CAMSAP2: variants seen among roughly 807,000 people sequenced by gnomAD.
CAMSAP2 encodes calmodulin regulated spectrin associated protein family member 2.
A neutral mutation model predicts 146.1 loss-of-function variants in CAMSAP2; 26 were observed. The observed-to-expected ratio is 0.18, with a 90% confidence interval of 0.13 to 0.25. The LOEUF (loss-of-function observed/expected upper bound fraction) is 0.25, where lower values mean the gene tolerates loss of function less well. Ranked by LOEUF, CAMSAP2 falls within the 10% of genes least tolerant of loss-of-function variation. The probability of loss-of-function intolerance (pLI) is 1.00; values close to 1 mark genes in which losing one functional copy is unlikely to be tolerated. For synonymous variants in CAMSAP2, 499 were observed against 596.6 expected, an observed-to-expected ratio of 0.84 and a Z score of 2.38; for missense variants, 1,381 against 1,759.3, an observed-to-expected ratio of 0.78 and a Z score of 3.85.
intron 4 of CAMSAP2, chr1:200,828,659 G>A (rs192434930): frequency 4.5e-4 from 675 of 1,485,398 alleles, no homozygotes; most frequent in Non-Finnish European, 4.2e-4. Flanking sequence ...TTGTAGAATG[G>A]TATTGTTTAT....
At chr1:200,740,183 G>C (rs1483012883) in intron 1 of CAMSAP2, among the ~76,000 whole-genome samples, 1 of 152,112 alleles carries the variant, frequency 6.6e-6, no homozygotes, top group African/African-American at 2.4e-5. Context: ...GATTTGGCCA[G>C]ATTCCTTTTA....
chr1:200,790,858 T>C (rs1665729853), intron 2 of CAMSAP2, among the ~76,000 whole-genome samples: 1 of 152,166 alleles, frequency 6.6e-6, no homozygotes, highest in Non-Finnish European at 1.5e-5. Context: ...CTCCTTTTTT[T>C]TTTGAGACGG....
chr1:200,817,070 A>G (rs2102176859), intron 4 of CAMSAP2, among the ~76,000 whole-genome samples: 1 of 139,850 alleles, frequency 7.2e-6, no homozygotes, highest in Admixed American at 6.8e-5. Context: ...ACACACGTAT[A>G]TATGTGTATA....
chr1:200,791,866 T>C (rs1665763677), intron 2 of CAMSAP2, among the ~76,000 whole-genome samples: 1 of 152,050 alleles, frequency 6.6e-6, no homozygotes, highest in African/African-American at 2.4e-5. Flanking sequence ...CTCAGGAGGC[T>C]GAGGCAGAAG....
At position 200,853,365 on chromosome 1, in the gene CAMSAP2, G is replaced by C. The variant is rs1195986338; in HGVS notation, c.3693G>C (p.Leu1231=). The part of the protein sequence containing the change: ...IRQEYMRRKQ[L]KLMEDMDTVI... ...AAGAATATATGAGGCGGAAACAACT[G>C]AAACTAATGGAAGATATGGATACAG... Residue 1231 remains leucine (L), a synonymous_variant, in exon 13 of 17, where the codon CTG becomes CTC. Coordinates refer to ENST00000358823, the MANE Select transcript of CAMSAP2 (RefSeq NM_203459.4). This position sits in a 1 kb window ranked among gnomAD's most constrained non-coding sequence, Gnocchi z 5.1. 6.2e-7 allele frequency: 1 copy of C among 1,613,854 alleles called. No homozygotes were observed. Among genetic ancestry groups the C allele is most frequent in the South Asian group, 1.1e-5 (1 of 91,074 alleles).
chr1:200,755,860 G>T (rs953092209), intron 1 of CAMSAP2, among the ~76,000 whole-genome samples: 2 of 152,192 alleles, frequency 1.3e-5, no homozygotes, highest in African/African-American at 4.8e-5. Context: ...TACAATGAGT[G>T]ACTGGGTGGT....
intron 2 of CAMSAP2, among the ~76,000 whole-genome samples, chr1:200,776,726 A>AAAAAC (rs1349321093): frequency 2.6e-5 from 4 of 152,226 alleles, no homozygotes; most frequent in East Asian, 1.9e-4. Flanking sequence ...TCCGTCTTAA[A>AAAAAC]AAAACAAAAC....
chr1:200,834,462 TTATTTTTAA>T (rs1336214350), intron 6 of CAMSAP2, among the ~76,000 whole-genome samples: 1 of 152,234 alleles, frequency 6.6e-6, no homozygotes, highest in Non-Finnish European at 1.5e-5. Context: ...ATGAATACTG[TTATTTTTAA>T]TACTTCAAGA....
chr1:200,808,089 T>C (rs889912551), intron 3 of CAMSAP2, among the ~76,000 whole-genome samples: 2 of 152,206 alleles, frequency 1.3e-5, no homozygotes, highest in African/African-American at 4.8e-5. Flanking sequence ...TACCAGATTA[T>C]GAAAAAATTC....
rs1259462914 is a variant in CAMSAP2 at position 200,815,800 on chromosome 1, G to A, written c.645+156G>A. ...CCATACTGTAAACACTAAGTAAATA[G>A]AAGTACAAAATGAAGGTTAATTGGA... On this transcript the variant is annotated intron_variant, in intron 4 of 16. Coordinates refer to ENST00000358823, the MANE Select transcript of CAMSAP2 (RefSeq NM_203459.4). 3.3e-5 allele frequency among the ~76,000 whole-genome samples: 5 copies of A among 152,268 alleles called. No individual in the cohort carries two copies. In the East Asian group the frequency reaches 9.6e-4, roughly 29 times the overall value.
Position 200,849,436 on chromosome 1 carries a change from A to G in CAMSAP2, c.2667A>G (p.Ser889=), listed in dbSNP as rs1248425969. 1.9e-6 allele frequency: 3 copies of G among 1,614,254 alleles called. No individual in the cohort carries two copies. The highest frequency in any genetic ancestry group is 3.3e-5 in the Admixed American group (2 of 60,028). ...CCAAATCCATTGAAAAGTTAAATTC[A>G]TCCCTGCATTTTCTACAACAAGAAA... ...EYTKSIEKLN[S]SLHFLQQEMQ... The change falls in exon 11 of 17, where the codon TCA becomes TCG. Residue 889 remains serine (S), a synonymous_variant. Transcript: ENST00000358823. This position sits in a 1 kb window ranked among gnomAD's most constrained non-coding sequence, Gnocchi z 6.3.
chr1:200,803,529 T>A (rs1666089291), intron 2 of CAMSAP2, among the ~76,000 whole-genome samples: 1 of 152,196 alleles, frequency 6.6e-6, no homozygotes. Flanking sequence ...GTTTATTTTT[T>A]AATGTTGATC....
In CAMSAP2 at chr1:200,854,809, T is replaced by C. The variant is rs1023185612; in HGVS notation, c.3824-8T>C. The C allele has an allele frequency of 6.2e-6, 10 of 1,604,968 alleles. No homozygotes were observed. The highest frequency in any genetic ancestry group is 8.5e-6 in the Non-Finnish European group (10 of 1,176,496). On this transcript the variant is annotated splice_polypyrimidine_tract_variant and splice_region_variant and intron_variant, in intron 13 of 16. Transcript: ENST00000358823. ...ATTCAGGATCATGAATTTATCGTGT[T>C]TTTTCAGTCTCTAGCCTTTCTTTGG...
chr1:200,749,353 G>C (rs924243204), intron 1 of CAMSAP2, among the ~76,000 whole-genome samples: 2 of 152,168 alleles, frequency 1.3e-5, no homozygotes, highest in African/African-American at 4.8e-5. Context: ...GTGTTCCTTG[G>C]GCAGAGGACA....
In CAMSAP2 at chr1:200,848,845, A is replaced by G. The variant is rs1422913812; in HGVS notation, c.2076A>G (p.Gln692=). The stretch of plus-strand genomic sequence containing the variant: ...TTAAAATGACCAGCTTTGCTGAACA[A>G]AAATTCAGGAAACTGAATCATACCG... ...SGVKMTSFAE[Q]KFRKLNHTDG... Residue 692 remains glutamine, a synonymous_variant, in exon 11 of 17, where the codon CAA becomes CAG. Transcript: ENST00000358823. 1.2e-6 allele frequency: 2 copies of G among 1,614,188 alleles called. No homozygotes were observed. Among genetic ancestry groups the G allele is most frequent in the South Asian group, 2.2e-5 (2 of 91,090 alleles).
intron 4 of CAMSAP2, among the ~76,000 whole-genome samples, chr1:200,826,030 G>C (rs1434007681): frequency 6.6e-6 from 1 of 152,200 alleles, no homozygotes; most frequent in East Asian, 1.9e-4. Flanking sequence ...AATGCATACT[G>C]TATGTAGTTT....
intron 4 of CAMSAP2, among the ~76,000 whole-genome samples, chr1:200,820,806 GTT>G (rs1334028346): frequency 6.6e-6 from 1 of 152,168 alleles, no homozygotes; most frequent in Admixed American, 6.5e-5. Context: ...CAAAGAGACT[GTT>G]TAGCCATTTT....
chr1:200,852,497 G>A (rs766083862), intron 11 of CAMSAP2, 44 bp from the exon 12 acceptor site: 1 of 1,588,030 alleles, frequency 6.3e-7, no homozygotes, highest in East Asian at 2.2e-5. Flanking sequence ...TGAGAATATT[G>A]GTACCTAAAA....
chr1:200,804,435 G>A (rs1327822318), intron 2 of CAMSAP2, among the ~76,000 whole-genome samples: 1 of 151,982 alleles, frequency 6.6e-6, no homozygotes, highest in Non-Finnish European at 1.5e-5. Flanking sequence ...ATATTATAAT[G>A]GTTATTTTTT....
Sources: allele counts gnomAD v4.1 joint callset (sites outside exome capture counted in the v4.1 genomes callset), GRCh38; gene constraint gnomAD v4.1.1; non-coding constraint Gnocchi (gnomAD v3.1); transcripts MANE v1.5; gene names NCBI Gene and HGNC (gene_info 2026-07-23, HGNC 2026-07-21).